Variants in ADAMTS16 observed in about 807,000 individuals in gnomAD.
The protein encoded by ADAMTS16 is ADAM metallopeptidase with thrombospondin type 1 motif 16.
A neutral mutation model predicts 145.8 loss-of-function variants in ADAMTS16; 94 were observed. The observed-to-expected ratio is 0.64, with a 90% CI of 0.55 to 0.77. ADAMTS16 has a LOEUF of 0.77. Ranked by LOEUF, ADAMTS16 falls within the 30% of genes least tolerant of loss-of-function variation. ADAMTS16 has a pLI of 0.00. For missense variants in ADAMTS16, 1,585 were observed against 1,591.5 expected, an observed-to-expected ratio of 1.00 and a Z score of 0.07; for synonymous variants, 659 against 604.3, an observed-to-expected ratio of 1.09 and a Z score of -1.33.
rs1340201141 is a variant in ADAMTS16, at chr5:5,306,497, T to C, written c.3187-7T>C. 1.9e-6 allele frequency: 3 copies of C among 1,601,354 alleles called. No homozygotes were observed. Among genetic ancestry groups the C allele is most frequent in the African/African-American group, 2.7e-5 (2 of 74,448 alleles). ...TTCACTGACTTCTTTTGTTCTCTTC[T>C]TTTTAGTGCTCTGTGACATGTGAAA... On this transcript the variant is annotated splice_region_variant and splice_polypyrimidine_tract_variant and intron_variant, in intron 20 of 22. Coordinates refer to ENST00000274181, the MANE Select transcript of ADAMTS16 (RefSeq NM_139056.4).
chr5:5,144,779 G>A (rs1734250591), intron 2 of ADAMTS16, among the ~76,000 whole-genome samples: 1 of 152,210 alleles, frequency 6.6e-6, no homozygotes, highest in Admixed American at 6.5e-5. Flanking sequence ...CCACCCTTCT[G>A]TCTCTGTTTT....
At chr5:5,149,232 A>G (rs751797648) in intron 3 of ADAMTS16, among the ~76,000 whole-genome samples, 3 of 152,226 alleles carry the variant, frequency 2.0e-5, no homozygotes, top group Non-Finnish European at 4.4e-5. Flanking sequence ...TCAGTTAAGT[A>G]AGGGTAATTT....
At chr5:5,272,401 A>G (rs532266906) in intron 18 of ADAMTS16, among the ~76,000 whole-genome samples, 9 of 129,868 alleles carry the variant, frequency 6.9e-5, no homozygotes, top group Admixed American at 3.7e-4. Context: ...TTGCTCTGTC[A>G]CCCAGGCTGG....
At chr5:5,194,956 C>T (rs10039354) in intron 8 of ADAMTS16, among the ~76,000 whole-genome samples, 27,143 of 152,138 alleles carry the variant, frequency 0.18, 2,560 homozygotes, top group East Asian at 0.26. Flanking sequence ...TGGAGGAGTA[C>T]TTCTCCATGC....
rs76325747 is a variant in ADAMTS16 at position 5,283,789 on chromosome 5, C to A, written c.2790-19479C>A. Among the ~76,000 whole-genome samples, 1,283 of 152,278 alleles carry A rather than the reference C, an allele frequency of 8.4e-3. 7 individuals carry two copies. Among genetic ancestry groups the A allele is most frequent in the Non-Finnish European group, 0.013 (851 of 68,030 alleles). On this transcript the variant is annotated intron_variant, in intron 18 of 22. Coordinates refer to ENST00000274181, the MANE Select transcript of ADAMTS16 (RefSeq NM_139056.4). ...GACTTTATATTTGTGAAGAAAAGTG[C>A]ACCTCAATCTATAACCTTAGGTGAA...
chr5:5,306,561 T>C lies in ADAMTS16; in HGVS notation c.3244T>C (p.Tyr1082His). 6.2e-7 allele frequency: 1 copy of C among 1,614,236 alleles called. No individual in the cohort carries two copies. Among genetic ancestry groups the C allele is most frequent in the Non-Finnish European group, 8.5e-7 (1 of 1,180,052 alleles). The change falls in exon 21 of 23, where the codon TAT (tyrosine) becomes CAT (histidine). Residue 1082 changes from tyrosine to histidine, a missense_variant. This residue lies in a region of ADAMTS16 where 834 missense variants were observed against 811.7 expected (regional missense o/e 1.03). Coordinates refer to ENST00000274181, the MANE Select transcript of ADAMTS16 (RefSeq NM_139056.4). ...QKRFLKCAEKYVSGKYRELAS... is the reference protein window; with the variant it reads ...QKRFLKCAEKHVSGKYRELAS... ...AAGATTCTTAAAATGTGCTGAAAAG[T>C]ATGTTTCTGGAAAGTATCGAGAGCT...
intron 3 of ADAMTS16, among the ~76,000 whole-genome samples, chr5:5,169,125 C>T (rs1282022435): frequency 6.6e-6 from 1 of 152,094 alleles, no homozygotes; most frequent in Non-Finnish European, 1.5e-5. Context: ...TTCCTACAAC[C>T]TCTTCACAGG....
chr5:5,284,072 C>T (rs1449326180), intron 18 of ADAMTS16, among the ~76,000 whole-genome samples: 3 of 152,132 alleles, frequency 2.0e-5, no homozygotes, highest in African/African-American at 7.2e-5. Context: ...ATAGCTTTTG[C>T]TATATGACTG....
rs1252891242 is a variant in ADAMTS16 at position 5,306,571 on chromosome 5, G to T, written c.3254G>T (p.Gly1085Val). Residue 1085 changes from glycine to valine, a missense_variant, in exon 21 of 23, where the codon GGA becomes GTA. Gly to Val is a moderately radical substitution (Grantham distance 109, BLOSUM62 -3). This residue lies in a region of ADAMTS16 where 834 missense variants were observed against 811.7 expected (regional missense o/e 1.03). Coordinates refer to ENST00000274181, the MANE Select transcript of ADAMTS16 (RefSeq NM_139056.4). The stretch of plus-strand genomic sequence containing the variant: ...AAATGTGCTGAAAAGTATGTTTCTG[G>T]AAAGTATCGAGAGCTGGCCTCAAAG... ...FLKCAEKYVS[G>V]KYRELASKKC... 1 of 1,614,204 alleles carries T rather than the reference G, an allele frequency of 6.2e-7. No homozygotes were observed. Among genetic ancestry groups the T allele is most frequent in the South Asian group, 1.1e-5 (1 of 91,082 alleles).
In ADAMTS16 at chr5:5,319,895, T is replaced by C; in HGVS notation, c.*757T>C. 2.2e-6 allele frequency: 1 copy of C among 455,870 alleles called. No individual in the cohort carries two copies. The highest frequency in any genetic ancestry group is 2.3e-5 in the Admixed American group (1 of 42,556). The allele number at this position is 455,870 out of a possible 1,614,324, so 28.2% of individuals were successfully genotyped here. A position where few individuals can be genotyped will look rare whatever the true frequency, so the allele number is the denominator to read the frequency against. ...TTTATCTTTCTCAGTTATTTGCAAG[T>C]GAGTGTCCTTTTAAAAACACACTTC... On this transcript the variant is annotated 3_prime_UTR_variant, in exon 23 of 23. Transcript: ENST00000274181.
intron 9 of ADAMTS16, 53 bp from the exon 10 acceptor site, chr5:5,209,040 C>A: frequency 6.4e-7 from 1 of 1,558,562 alleles, no homozygotes; most frequent in Non-Finnish European, 8.7e-7. Context: ...AGTTGTAAGT[C>A]CTTTGGTTAC....
intron 16 of ADAMTS16, 138 bp from the exon 17 acceptor site, chr5:5,241,915 G>A (rs895839603): frequency 2.9e-6 from 3 of 1,050,804 alleles, no homozygotes; most frequent in Admixed American, 5.4e-5. Context: ...AAGTTTGGAT[G>A]ATAGTCTGAA....
At chr5:5,157,430 G>C (rs1374525722) in intron 3 of ADAMTS16, among the ~76,000 whole-genome samples, 2 of 151,882 alleles carry the variant, frequency 1.3e-5, no homozygotes, top group African/African-American at 4.8e-5. Context: ...ATCATATGCT[G>C]ATCACTCCCT....
intron 3 of ADAMTS16, among the ~76,000 whole-genome samples, chr5:5,159,647 G>A (rs1734691001): frequency 6.6e-6 from 1 of 152,164 alleles, no homozygotes; most frequent in Non-Finnish European, 1.5e-5. Flanking sequence ...TCCCACAGAT[G>A]GGATGGCAAT....
At position 5,319,819 on chromosome 5, in the gene ADAMTS16, C is replaced by T; in HGVS notation, c.*681C>T. The T allele has an allele frequency of 2.2e-6, 1 of 453,076 alleles. No individual in the cohort carries two copies. The highest frequency in any genetic ancestry group is 1.6e-5 in the South Asian group (1 of 63,704). The allele number at this position is 453,076 out of a possible 1,614,324, so 28.1% of individuals were successfully genotyped here. ...AAATGAAATTCCTGCTAAGGTGCTT[C>T]TATCTCTTTCAGATTCATGCATTGA... On this transcript the variant is annotated 3_prime_UTR_variant, in exon 23 of 23. Coordinates refer to ENST00000274181, the MANE Select transcript of ADAMTS16 (RefSeq NM_139056.4).
chr5:5,170,591 T>G (rs1735018372), intron 3 of ADAMTS16, among the ~76,000 whole-genome samples: 1 of 152,046 alleles, frequency 6.6e-6, no homozygotes, highest in Non-Finnish European at 1.5e-5. Context: ...TTAGTCAGGC[T>G]GGTCTTGAAC....
intron 4 of ADAMTS16, 117 bp from the exon 5 acceptor site, chr5:5,185,935 T>G: frequency 1.2e-6 from 1 of 805,226 alleles, no homozygotes; most frequent in Non-Finnish European, 2.0e-6. Context: ...TTTAAAGGTT[T>G]ATGTGGTTTT....
chr5:5,191,694 C>G lies in ADAMTS16; in HGVS notation c.1217C>G (p.Pro406Arg). The stretch of plus-strand genomic sequence containing the variant: ...TCTTTGTCCTTCACAGGATTTGCAC[C>G]CATAAGTGGAATGTGTAGTAAATAT... Reference protein sequence around the residue: ...NEPCDTLGFAPISGMCSKYRS... With the variant: ...NEPCDTLGFARISGMCSKYRS... Residue 406 changes from proline (P) to arginine (R), a missense_variant, in exon 8 of 23, where the codon CCC becomes CGC. Physicochemically the swap from Pro to Arg is moderately radical, Grantham distance 103. This residue lies in a region of ADAMTS16 where 298 missense variants were observed against 367.6 expected (regional missense o/e 0.81). Transcript: ENST00000274181. 6.2e-7 allele frequency: 1 copy of G among 1,612,738 alleles called. No individual in the cohort carries two copies. The highest frequency in any genetic ancestry group is 8.5e-7 in the Non-Finnish European group (1 of 1,179,132).
intron 9 of ADAMTS16, among the ~76,000 whole-genome samples, chr5:5,203,330 C>A (rs1262560915): frequency 6.6e-6 from 1 of 152,136 alleles, no homozygotes; most frequent in Non-Finnish European, 1.5e-5. Context: ...CTGAGACTGT[C>A]TTGTTTGATT....
Sources: gnomAD v4.1 joint callset for allele counts (sites outside exome capture counted in the v4.1 genomes callset) on GRCh38, gnomAD v4.1.1 for gene constraint, gnomAD v4.1.1 regional missense constraint, MANE v1.5 for transcripts, NCBI Gene and HGNC (gene_info 2026-07-23, HGNC 2026-07-21) for gene names.